Variants in GRM5 observed in about 807,000 individuals in gnomAD.
The protein encoded by GRM5 is glutamate metabotropic receptor 5.
In GRM5, 19 loss-of-function variants were observed where a neutral mutation model predicts 83.1. The ratio of observed to expected loss-of-function variants is 0.23; its 90% CI spans 0.16 to 0.34. The LOEUF (loss-of-function observed/expected upper bound fraction) is 0.34, where lower values mean the gene tolerates loss of function less well. GRM5 is among the 10% of genes least tolerant of loss of function. The pLI is 1.00. For synonymous variants in GRM5, 675 were observed against 633.6 expected, an observed-to-expected ratio of 1.07 and a Z score of -0.98; for missense variants, 1,160 against 1,588.3, an observed-to-expected ratio of 0.73 and a Z score of 4.58.
intron 2 of GRM5, among the ~76,000 whole-genome samples, chr11:89,030,777 A>G (rs1049086455): frequency 9.2e-5 from 14 of 152,088 alleles, no homozygotes; most frequent in Admixed American, 9.2e-4. Flanking sequence ...CTTATGCCCT[A>G]TTATACTTAA....
chr11:88,970,413 C>T (rs184901184), intron 2 of GRM5, among the ~76,000 whole-genome samples: 1 of 152,068 alleles, frequency 6.6e-6, no homozygotes, highest in African/African-American at 2.4e-5. Flanking sequence ...TCTTCTTAAA[C>T]GTCTTTGTCT....
intron 3 of GRM5, among the ~76,000 whole-genome samples, chr11:88,800,001 T>C (rs1487084351): frequency 6.6e-6 from 1 of 152,030 alleles, no homozygotes; most frequent in Non-Finnish European, 1.5e-5. Context: ...ACCAACATCA[T>C]GAATGAGGTC....
rs61456975 is a variant in GRM5 at position 88,885,450 on chromosome 11, GTTT to G, written c.662-35298_662-35296del. Reference sequence around the variant, plus strand: ...TTCTGAATTCTATAGTAGGTACCATGTTTTTTTTTTTTTTTTTTTTTTTTTTTT... The same window carrying G: ...TTCTGAATTCTATAGTAGGTACCATGTTTTTTTTTTTTTTTTTTTTTTTTT... On this transcript the variant is annotated intron_variant, in intron 2 of 9. Transcript: ENST00000305447. Among the ~76,000 whole-genome samples the G allele has an allele frequency of 2.7e-3, 170 of 62,646 alleles. 21 individuals are homozygous for G. Among genetic ancestry groups the G allele is most frequent in the African/African-American group, 9.5e-3 (160 of 16,878 alleles). 41.1% of individuals were successfully genotyped at this position (62,646 alleles called of 152,430 possible). A position where few individuals can be genotyped will look rare whatever the true frequency, so the allele number is the denominator to read the frequency against.
At chr11:88,691,666 A>G (rs1052829041) in intron 3 of GRM5, among the ~76,000 whole-genome samples, 1 of 152,280 alleles carries the variant, frequency 6.6e-6, no homozygotes, top group Non-Finnish European at 1.5e-5. Context: ...ATAGATGTGC[A>G]TCCACTCATG....
chr11:88,941,987 A>C (rs1282714070), intron 2 of GRM5, among the ~76,000 whole-genome samples: 2 of 152,060 alleles, frequency 1.3e-5, no homozygotes, highest in African/African-American at 4.8e-5. Flanking sequence ...TTGCTTCATG[A>C]AGGGTGACTA....
intron 2 of GRM5, among the ~76,000 whole-genome samples, chr11:88,879,710 C>T (rs1031809145): frequency 9.2e-5 from 14 of 151,634 alleles, no homozygotes; most frequent in African/African-American, 2.9e-4. Flanking sequence ...ATATTTTTTA[C>T]CTGTTTATTT....
intron 7 of GRM5, among the ~76,000 whole-genome samples, chr11:88,576,454 G>A (rs1943111648): frequency 6.6e-6 from 1 of 152,158 alleles, no homozygotes; most frequent in Non-Finnish European, 1.5e-5. Flanking sequence ...CACACAATAG[G>A]CAGTTAAATA....
At chr11:88,859,094 T>C (rs567972871) in intron 2 of GRM5, among the ~76,000 whole-genome samples, 10 of 152,070 alleles carry the variant, frequency 6.6e-5, no homozygotes, top group African/African-American at 1.9e-4. Flanking sequence ...TTTAAAACAC[T>C]CTGTTGAAAA....
At chr11:88,643,445 C>G (rs1939352292) in intron 4 of GRM5, among the ~76,000 whole-genome samples, 1 of 152,174 alleles carries the variant, frequency 6.6e-6, no homozygotes, top group Non-Finnish European at 1.5e-5. Flanking sequence ...AAACAAATAT[C>G]CAAACTATAT....
chr11:88,979,915 T>C (rs1293664300), intron 2 of GRM5, among the ~76,000 whole-genome samples: 1 of 152,194 alleles, frequency 6.6e-6, no homozygotes, highest in Non-Finnish European at 1.5e-5. Flanking sequence ...TCCCAGATTC[T>C]TATTGAAGAC....
Position 88,946,673 on chromosome 11 carries a change from G to A in GRM5, c.662-96518C>T, listed in dbSNP as rs149507124. 6.1e-3 allele frequency among the ~76,000 whole-genome samples: 929 copies of A among 152,270 alleles called. 11 individuals carry two copies. The highest frequency in any genetic ancestry group is 0.02 in the African/African-American group (828 of 41,578). On this transcript the variant is annotated intron_variant, in intron 2 of 9. Transcript: ENST00000305447. Reference sequence around the variant, plus strand: ...AACAGAGGACTACTAGAGTAGGGGTGAATGGGAGAAACAGTTGAAAAATTT... The same window carrying A: ...AACAGAGGACTACTAGAGTAGGGGTAAATGGGAGAAACAGTTGAAAAATTT...
intron 8 of GRM5, among the ~76,000 whole-genome samples, chr11:88,559,861 A>G (rs1039871060): frequency 6.6e-6 from 1 of 152,162 alleles, no homozygotes; most frequent in African/African-American, 2.4e-5. Flanking sequence ...CTAACGTGGG[A>G]TGATAAATGC....
chr11:88,584,929 C>T (rs1430563763), intron 7 of GRM5, among the ~76,000 whole-genome samples: 2 of 152,140 alleles, frequency 1.3e-5, no homozygotes, highest in Non-Finnish European at 2.9e-5. Context: ...CAAAATATGG[C>T]ACTTTGGCAT....
At chr11:88,669,111 C>G (rs1940127771) in intron 3 of GRM5, among the ~76,000 whole-genome samples, 1 of 152,042 alleles carries the variant, frequency 6.6e-6, no homozygotes, top group African/African-American at 2.4e-5. Flanking sequence ...CAGCATTGTT[C>G]ACAACAATCA....
intron 3 of GRM5, among the ~76,000 whole-genome samples, chr11:88,723,367 A>G (rs1028448905): frequency 6.6e-6 from 1 of 152,096 alleles, no homozygotes; most frequent in African/African-American, 2.4e-5. Context: ...GTGTGGGCAT[A>G]AGTTTTCAGC....
chr11:89,016,093 T>G (rs1360833313), intron 2 of GRM5, among the ~76,000 whole-genome samples: 1 of 151,880 alleles, frequency 6.6e-6, no homozygotes, highest in Non-Finnish European at 1.5e-5. Flanking sequence ...ATTCAAAAAT[T>G]TATTTTAGTG....
At chr11:88,523,282 C>T (rs911921019) in intron 9 of GRM5, among the ~76,000 whole-genome samples, 2 of 152,122 alleles carry the variant, frequency 1.3e-5, no homozygotes, top group Admixed American at 6.5e-5. Context: ...TATTTTGCCT[C>T]AGTCTGTTTG....
chr11:88,927,964 A>T (rs1945817880), intron 2 of GRM5, among the ~76,000 whole-genome samples: 2 of 152,102 alleles, frequency 1.3e-5, no homozygotes, highest in Admixed American at 6.6e-5. Context: ...TAACTTCAGA[A>T]GCAGGGCCCG....
intron 1 of GRM5, among the ~76,000 whole-genome samples, chr11:89,065,206 C>G (rs916454192): frequency 6.6e-6 from 1 of 151,512 alleles, no homozygotes; most frequent in African/African-American, 2.4e-5. Flanking sequence ...CATTAGCTCC[C>G]TCAAACACCT....
Sources: allele counts gnomAD v4.1 joint callset (sites outside exome capture counted in the v4.1 genomes callset), GRCh38; gene constraint gnomAD v4.1.1; transcripts MANE v1.5; gene names NCBI Gene and HGNC (gene_info 2026-07-23, HGNC 2026-07-21).